POT1: variants seen among roughly 807,000 people sequenced by gnomAD.
POT1 encodes the protein protection of telomeres protein 1.
POT1 carries 47 observed loss-of-function variants against 78.5 expected under a neutral mutation model. That is an observed-to-expected ratio of 0.60 (90% CI 0.47 to 0.76). The LOEUF is 0.76. Ranked by LOEUF, POT1 falls within the 30% of genes least tolerant of loss-of-function variation. POT1 has a pLI of 0.00. For synonymous variants in POT1, 259 were observed against 260.7 expected (o/e 0.99, Z 0.06); for missense variants, 646 against 749.9 (o/e 0.86, Z 1.62).
At chr7:124,862,698 A>T (rs1795626494) in intron 8 of POT1, among the ~76,000 whole-genome samples, 1 of 152,148 alleles carries the variant, frequency 6.6e-6, no homozygotes, top group Non-Finnish European at 1.5e-5. Context: ...TAGTATAGAG[A>T]GAAATAACCA....
In POT1 at chr7:124,875,957, T is replaced by C. The variant is rs529968582; in HGVS notation, c.125-4916A>G. 5.9e-5 allele frequency among the ~76,000 whole-genome samples: 9 copies of C among 152,300 alleles called. No individual in the cohort carries two copies. In the East Asian group the frequency reaches 1.7e-3, roughly 29 times the overall value. On this transcript the variant is annotated intron_variant, in intron 6 of 18. Transcript: ENST00000357628. ...GAAGTGGATATGCAGTAGGCAAATG[T>C]ATAAATAAAGGTAGTGGAAAGAATA...
chr7:124,869,444 A>G (rs1205998674), intron 7 of POT1, among the ~76,000 whole-genome samples: 1 of 152,242 alleles, frequency 6.6e-6, no homozygotes. Flanking sequence ...TTCCATAAAC[A>G]ATAACAACAA....
chr7:124,896,040 T>C (rs1796483463), intron 5 of POT1, among the ~76,000 whole-genome samples: 1 of 148,892 alleles, frequency 6.7e-6, no homozygotes, highest in East Asian at 1.9e-4. Context: ...AACACCCTGG[T>C]CCTCATAGAC....
chr7:124,825,138 T>C (rs1701606664), intron 18 of POT1, 114 bp downstream of exon 18: 1 of 569,556 alleles, frequency 1.8e-6, no homozygotes, highest in Non-Finnish European at 3.0e-6. Context: ...ACTCACTACT[T>C]AGTAAATCAT....
At chr7:124,878,522 T>C (rs1273382807) in intron 6 of POT1, among the ~76,000 whole-genome samples, 1 of 152,214 alleles carries the variant, frequency 6.6e-6, no homozygotes, top group East Asian at 1.9e-4. Context: ...GTAATGGATA[T>C]GTTAATTAGC....
intron 3 of POT1, among the ~76,000 whole-genome samples, chr7:124,904,451 C>T (rs1796708509): frequency 6.6e-6 from 1 of 152,200 alleles, no homozygotes; most frequent in Non-Finnish European, 1.5e-5. Context: ...GACAGCCCTT[C>T]ATGCTAAAAA....
Position 124,824,078 on chromosome 7 carries a change from C to G in POT1, c.1793-4G>C, listed in dbSNP as rs1050733144. ...CATTCCAACCACGGATATGCATCTA[C>G]AAAAACAAAAACAAAAAAAGCGATT... is the stretch of plus-strand genomic sequence containing the variant. On this transcript the variant is annotated splice_polypyrimidine_tract_variant and splice_region_variant and intron_variant, in intron 18 of 18. Coordinates refer to ENST00000357628, the MANE Select transcript of POT1 (RefSeq NM_015450.3). 6.6e-7 allele frequency: 1 copy of G among 1,522,854 alleles called. No homozygotes were observed. The highest frequency in any genetic ancestry group is 2.3e-5 in the East Asian group (1 of 43,480). The allele number at this position is 1,522,854 out of a possible 1,614,324, so 94.3% of individuals were successfully genotyped here.
chr7:124,843,223 C>A, intron 12 of POT1: 1 of 258,054 alleles, frequency 3.9e-6, no homozygotes, highest in Non-Finnish European at 7.2e-6. Flanking sequence ...ACTTAACTGC[C>A]TAGTAAGCAT....
At chr7:124,824,994 T>C (rs977386393) in intron 18 of POT1, among the ~76,000 whole-genome samples, 1 of 152,156 alleles carries the variant, frequency 6.6e-6, no homozygotes, top group Non-Finnish European at 1.5e-5. Flanking sequence ...CAATGTCAAA[T>C]GTGCTTGTGA....
intron 2 of POT1, among the ~76,000 whole-genome samples, chr7:124,919,092 C>T (rs544208097): frequency 2.0e-5 from 3 of 152,108 alleles, no homozygotes; most frequent in South Asian, 2.1e-4. Context: ...TACTATACAC[C>T]GAGGCTATAC....
chr7:124,872,778 T>C (rs977421744), intron 6 of POT1, among the ~76,000 whole-genome samples: 4 of 152,202 alleles, frequency 2.6e-5, no homozygotes, highest in African/African-American at 9.7e-5. Flanking sequence ...GTTCTAATTT[T>C]TGGAAGAACA....
intron 5 of POT1, among the ~76,000 whole-genome samples, chr7:124,896,954 G>A (rs986261751): frequency 9.9e-5 from 15 of 151,536 alleles, no homozygotes; most frequent in Admixed American, 2.0e-4. Flanking sequence ...CCAGACAACA[G>A]AATATTCAGA....
chr7:124,888,266 T>A (rs1216465247), intron 6 of POT1, among the ~76,000 whole-genome samples: 1 of 152,084 alleles, frequency 6.6e-6, no homozygotes, highest in East Asian at 1.9e-4. Context: ...GAAAATCAGT[T>A]GACCATAATA....
rs1335947200 is a variant in POT1 at position 124,823,343 on chromosome 7, A to C, written c.*619T>G. 6.6e-6 allele frequency: 1 copy of C among 151,930 alleles called. No individual in the cohort carries two copies. The highest frequency in any genetic ancestry group is 1.5e-5 in the Non-Finnish European group (1 of 67,928). 9.4% of individuals were successfully genotyped at this position (151,930 alleles called of 1,614,324 possible). On this transcript the variant is annotated 3_prime_UTR_variant, in exon 19 of 19. Transcript: ENST00000357628. ...GCAAATAACATACACAAATCTATAT[A>C]TATATATATAAATGTTTGTATAAAA...
intron 2 of POT1, among the ~76,000 whole-genome samples, chr7:124,923,522 G>A (rs1292504505): frequency 6.6e-6 from 1 of 151,788 alleles, no homozygotes; most frequent in Non-Finnish European, 1.5e-5. Flanking sequence ...CATTTGAGAT[G>A]TCCAGGACTA....
At chr7:124,856,433 C>A (rs1795448366) in intron 9 of POT1, among the ~76,000 whole-genome samples, 1 of 141,452 alleles carries the variant, frequency 7.1e-6, no homozygotes, top group Non-Finnish European at 1.5e-5. Context: ...TCACAGAAAA[C>A]ACAGTGCCAT....
chr7:124,879,692 A>T (rs1256720826), intron 6 of POT1, among the ~76,000 whole-genome samples: 1 of 152,178 alleles, frequency 6.6e-6, no homozygotes, highest in Non-Finnish European at 1.5e-5. Context: ...TAAAAAGTAA[A>T]GAAATTAGGA....
rs887916146 is a variant in POT1, at chr7:124,823,705, T to A, written c.*257A>T. ...CTACTTAAAGTACACTGTAGCTTGA[T>A]CAGACACTTATCTCAGCAGTACTTG... On this transcript the variant is annotated 3_prime_UTR_variant, in exon 19 of 19. Coordinates refer to ENST00000357628, the MANE Select transcript of POT1 (RefSeq NM_015450.3). The A allele has an allele frequency of 2.5e-6, 1 of 394,396 alleles. No individual in the cohort carries two copies. Among genetic ancestry groups the A allele is most frequent in the African/African-American group, 2.1e-5 (1 of 47,044 alleles). The allele number at this position is 394,396 out of a possible 1,614,324, so 24.4% of individuals were successfully genotyped here. A position where few individuals can be genotyped will look rare whatever the true frequency, so the allele number is the denominator to read the frequency against.
At chr7:124,846,903 C>A in intron 12 of POT1, 39 bp downstream of exon 12, 2 of 1,404,012 alleles carry the variant, frequency 1.4e-6, no homozygotes, top group Admixed American at 1.7e-5. Context: ...TTATTATGCT[C>A]ATTACTGTGC....
Sources: allele counts gnomAD v4.1 joint callset (sites outside exome capture counted in the v4.1 genomes callset), GRCh38; gene constraint gnomAD v4.1.1; transcripts MANE v1.5; gene names NCBI Gene and HGNC (gene_info 2026-07-23, HGNC 2026-07-21).